MTFR1: variants seen among roughly 807,000 people sequenced by gnomAD.
MTFR1 encodes the protein chondrocyte protein with a poly-proline region.
MTFR1 carries 28 observed loss-of-function variants against 38.8 expected under a neutral mutation model. The observed-to-expected ratio is 0.72, with a 90% CI of 0.53 to 0.99. MTFR1 has a LOEUF of 0.99. Among genes scored for constraint, MTFR1 ranks in the 50% least tolerant of loss-of-function variants. The probability of loss-of-function intolerance (pLI) is 0.00; values close to 1 mark genes in which losing one functional copy is unlikely to be tolerated. For missense variants in MTFR1, 358 were observed against 395.5 expected (o/e 0.91, Z 0.81); for synonymous variants, 145 against 137.0 (o/e 1.06, Z -0.41).
At chr8:65,676,979 C>T (rs548130365) in intron 2 of MTFR1, among the ~76,000 whole-genome samples, 19 of 151,480 alleles carry the variant, frequency 1.3e-4, no homozygotes, top group Admixed American at 2.0e-4. Context: ...TGCATGTGCG[C>T]GCACACACAC....
intron 1 of MTFR1, among the ~76,000 whole-genome samples, chr8:65,653,797 G>A: frequency 6.6e-6 from 1 of 152,070 alleles, no homozygotes; most frequent in East Asian, 1.9e-4. Context: ...GGGTATGGTG[G>A]CTCATGCCTG....
At chr8:65,699,404 G>A (rs1167031523) in intron 4 of MTFR1, among the ~76,000 whole-genome samples, 1 of 152,182 alleles carries the variant, frequency 6.6e-6, no homozygotes, top group Admixed American at 6.5e-5. Flanking sequence ...TAAGTTCTTT[G>A]AGAAATCTTC....
chr8:65,707,904 G>T lies in MTFR1; in HGVS notation c.826G>T (p.Glu276Ter), dbSNP rs1249723279. Residue 276 changes from glutamate (E) to a stop codon, truncating the protein, a stop_gained, in exon 7 of 8, where the codon GAG becomes TAG. Transcript: ENST00000262146. LOFTEE classifies it high-confidence loss of function. Reference protein sequence around the residue: ...DATDPAALIAEALKKKFAYRY... With the variant: ...DATDPAALIA ...TACTGACCCTGCTGCCCTCATAGCA[G>T]AGGCTCTGAAAAAGAAATTTGCTTA... 2.5e-6 allele frequency: 4 copies of T among 1,614,144 alleles called. No homozygotes were observed. The highest frequency in any genetic ancestry group is 8.5e-7 in the Non-Finnish European group (1 of 1,180,004).
intron 3 of MTFR1, among the ~76,000 whole-genome samples, chr8:65,769,623 C>A (rs1585900653): frequency 1.3e-5 from 2 of 152,024 alleles, no homozygotes; most frequent in South Asian, 4.2e-4. Flanking sequence ...AGACTGGGTG[C>A]GGTAGCTCAT....
chr8:65,675,136 TA>T (rs1804675735), intron 2 of MTFR1, among the ~76,000 whole-genome samples: 1 of 151,934 alleles, frequency 6.6e-6, no homozygotes, highest in South Asian at 2.1e-4. Flanking sequence ...ACTAAAAGTA[TA>T]AAAATTAATT....
chr8:65,698,365 C>A (rs1178744542), intron 4 of MTFR1, among the ~76,000 whole-genome samples: 1 of 151,614 alleles, frequency 6.6e-6, no homozygotes, highest in East Asian at 2.0e-4. Context: ...GTCTCAAACT[C>A]CTGAGCTTAA....
chr8:65,747,867 A>G (rs1807755578), intron 3 of MTFR1: 6 of 996,346 alleles, frequency 6.0e-6, no homozygotes, highest in Non-Finnish European at 9.0e-6. Flanking sequence ...TATCTTTGCA[A>G]TACCACTTTT....
chr8:65,696,993 T>TC (rs1036881908), intron 4 of MTFR1, among the ~76,000 whole-genome samples: 3 of 144,352 alleles, frequency 2.1e-5, no homozygotes, highest in African/African-American at 7.8e-5. Flanking sequence ...GCTTTTTTTT[T>TC]TTTTTTTTTG....
At chr8:65,651,409 T>A (rs768018422) in intron 1 of MTFR1, among the ~76,000 whole-genome samples, 1 of 152,242 alleles carries the variant, frequency 6.6e-6, no homozygotes, top group Non-Finnish European at 1.5e-5. Flanking sequence ...CCCCAGTGTT[T>A]TCTTGCAGTA....
chr8:65,649,010 ATAT>A (rs1809043858), intron 1 of MTFR1, among the ~76,000 whole-genome samples: 1 of 152,156 alleles, frequency 6.6e-6, no homozygotes, highest in Non-Finnish European at 1.5e-5. Flanking sequence ...CAGATAGAAA[ATAT>A]TTGAAAAAAC....
chr8:65,734,746 A>G, intron 3 of MTFR1: 1 of 1,056,316 alleles, frequency 9.5e-7, no homozygotes. Context: ...AGTAAATCAA[A>G]AGGAATTTTC....
chr8:65,768,905 G>A (rs1231086911), intron 3 of MTFR1, among the ~76,000 whole-genome samples: 2 of 152,158 alleles, frequency 1.3e-5, no homozygotes, highest in African/African-American at 2.4e-5. Context: ...TTTAGTGACA[G>A]ATGCTATCTG....
chr8:65,700,157 C>T (rs1437883638), intron 4 of MTFR1, among the ~76,000 whole-genome samples: 24 of 151,500 alleles, frequency 1.6e-4, no homozygotes, highest in Middle Eastern at 3.4e-3. Context: ...TCAAGACGAG[C>T]CTGGGCAACA....
In MTFR1 at chr8:65,766,057, T is replaced by C. The variant is rs374817114; in HGVS notation, c.*49-4890T>C. ...GCCTCTTGGGTTCATGCCATTCTCC[T>C]GCCTCAGCCTCCCGAGCAGCTGGGA... On this transcript the variant is annotated intron_variant, in intron 3 of 3. Coordinates refer to the MTFR1 transcript ENST00000521247. Among the ~76,000 whole-genome samples the C allele has an allele frequency of 2.2e-4, 33 of 152,322 alleles. No homozygotes were observed. The East Asian group carries it at 6.0e-3, about 28-fold the overall frequency.
In MTFR1 at chr8:65,736,094, G is replaced by A. The variant is rs183414354; in HGVS notation, c.*48+16613G>A. 9.2e-3 allele frequency among the ~76,000 whole-genome samples: 1,398 copies of A among 152,168 alleles called. 13 individuals carry two copies. The highest frequency in any genetic ancestry group is 0.015 in the Non-Finnish European group (1,034 of 68,028). On this transcript the variant is annotated intron_variant, in intron 3 of 3. Coordinates refer to the MTFR1 transcript ENST00000521247. ...ACGATAATGCGCAATTTATAAGTTA[G>A]TCACAGTAAGAAATTAACAATAATT... is the stretch of plus-strand genomic sequence containing the variant.
intron 3 of MTFR1, among the ~76,000 whole-genome samples, chr8:65,764,721 C>A (rs1808683301): frequency 6.6e-6 from 1 of 151,542 alleles, no homozygotes; most frequent in African/African-American, 2.4e-5. Context: ...TCTTTCATGT[C>A]ATAATACAAC....
chr8:65,698,754 GT>G (rs1260555405), intron 4 of MTFR1, among the ~76,000 whole-genome samples: 2 of 150,382 alleles, frequency 1.3e-5, no homozygotes, highest in Non-Finnish European at 3.0e-5. Flanking sequence ...TTGAGACAGA[GT>G]TTCACTCTTG....
chr8:65,669,842 T>G (rs746122317), intron 1 of MTFR1, 31 bp from the exon 2 acceptor site: 1 of 851,788 alleles, frequency 1.2e-6, no homozygotes, highest in Non-Finnish European at 1.9e-6. Context: ...AATAATGATT[T>G]CATTTTAGTA....
intron 3 of MTFR1, among the ~76,000 whole-genome samples, chr8:65,686,948 A>T (rs1805103035): frequency 6.6e-6 from 1 of 152,082 alleles, no homozygotes; most frequent in Non-Finnish European, 1.5e-5. Context: ...AGTAACCAAC[A>T]AATGTTTGTG....
Sources: allele counts gnomAD v4.1 joint callset (sites outside exome capture counted in the v4.1 genomes callset), GRCh38; gene constraint gnomAD v4.1.1; transcripts MANE v1.5; gene names NCBI Gene and HGNC (gene_info 2026-07-23, HGNC 2026-07-21).